The following PLEKHA4 variants were observed in gnomAD, a reference collection of about 807,000 sequenced individuals.
PLEKHA4 encodes the protein pleckstrin homology domain containing A4.
A neutral mutation model predicts 94.7 loss-of-function variants in PLEKHA4; 73 were observed. The observed-to-expected ratio is 0.77, with a 90% CI of 0.64 to 0.94. The LOEUF (loss-of-function observed/expected upper bound fraction) is 0.94, where lower values mean the gene tolerates loss of function less well. PLEKHA4 is among the 40% of genes least tolerant of loss of function. The pLI is 0.00. For missense variants in PLEKHA4, 1,049 were observed against 1,054.1 expected (o/e 1.00, Z 0.07); for synonymous variants, 449 against 437.1 (o/e 1.03, Z -0.34).
chr19:48,846,212 G>A (rs1264990409), intron 14 of PLEKHA4, among the ~76,000 whole-genome samples: 2 of 151,760 alleles, frequency 1.3e-5, no homozygotes, highest in Non-Finnish European at 2.9e-5. Context: ...CCAGTACTTT[G>A]GGAGGCCGAG....
chr19:48,861,658 C>A lies in PLEKHA4; in HGVS notation c.227G>T (p.Trp76Leu), dbSNP rs2036646005. Residue 76 changes from tryptophan (W) to leucine (L), a missense_variant, in exon 4 of 20, where the codon TGG becomes TTG. By Grantham distance (61) the Trp-to-Leu change is moderately conservative. Coordinates refer to ENST00000263265, the MANE Select transcript of PLEKHA4 (RefSeq NM_020904.3). ...SSGLRLWKRRWFVLSGHCLFY... is the reference protein window; with the variant it reads ...SSGLRLWKRRLFVLSGHCLFY... Reference sequence around the variant, plus strand: ...GAGGCAATGGCCGGAGAGGACGAACCAGCGGCGTTTCCAGAGACGGAGCCC... The same window carrying A: ...GAGGCAATGGCCGGAGAGGACGAACAAGCGGCGTTTCCAGAGACGGAGCCC... 8 of 1,614,080 alleles carry A rather than the reference C, an allele frequency of 5.0e-6. No homozygotes were observed. The highest frequency in any genetic ancestry group is 1.3e-5 in the African/African-American group (1 of 74,938).
Position 48,845,387 on chromosome 19 carries a change from G to A in PLEKHA4, c.1726C>T (p.Pro576Ser), listed in dbSNP as rs1240773347. Residue 576 changes from proline to serine, a missense_variant, in exon 16 of 20, where the codon CCA (proline) becomes TCA (serine). Pro to Ser is a moderately conservative substitution (Grantham distance 74). Transcript: ENST00000263265. ...CAGCTTACCTTGGTTCCTAGCTGTG[G>A]GGAAGGGAGGTGGCGACCCTCAGGG... ...SSPEGRHLPS[P>S]QLGTKAPVAR... 1 of 1,613,190 alleles carries A rather than the reference G, an allele frequency of 6.2e-7. No individual in the cohort carries two copies.
Position 48,839,279 on chromosome 19 carries a change from G to A in PLEKHA4, c.1906-16C>T, listed in dbSNP as rs76292221. Reference sequence around the variant, plus strand: ...CTACGACAGGCTGGAAAGGAATTGGGGCATTAGAACTCCTCACCTGGAAGC... The same window carrying A: ...CTACGACAGGCTGGAAAGGAATTGGAGCATTAGAACTCCTCACCTGGAAGC... On this transcript the variant is annotated splice_polypyrimidine_tract_variant and intron_variant, in intron 17 of 19. Coordinates refer to ENST00000263265, the MANE Select transcript of PLEKHA4 (RefSeq NM_020904.3). The A allele has an allele frequency of 0.012, 18,910 of 1,564,524 alleles. 210 individuals are homozygous for A. The highest frequency in any genetic ancestry group is 0.032 in the Middle Eastern group (185 of 5,862).
Position 48,862,597 on chromosome 19 carries a change from C to A in PLEKHA4, c.193-905G>T, listed in dbSNP as rs565678204. On this transcript the variant is annotated intron_variant, in intron 3 of 19. Transcript: ENST00000263265. The stretch of plus-strand genomic sequence containing the variant: ...GATCTCAGCTCACTGCAAGCTCCGC[C>A]TCCCGGGTTCACGCCATTCTCCTGC... 4.6e-5 allele frequency among the ~76,000 whole-genome samples: 7 copies of A among 152,150 alleles called. No homozygotes were observed. In the East Asian group the frequency reaches 1.4e-3, roughly 29 times the overall value.
At position 48,843,719 on chromosome 19, in the gene PLEKHA4, G is replaced by A. The variant is rs550045370; in HGVS notation, c.1743+1651C>T. On this transcript the variant is annotated intron_variant, in intron 16 of 19. Coordinates refer to ENST00000263265, the MANE Select transcript of PLEKHA4 (RefSeq NM_020904.3). Reference sequence around the variant, plus strand: ...GTCACCCAGGCTGGAGTGCAGTGGCGCAGTATCAGCTCACTGCAATCTCAG... The same window carrying A: ...GTCACCCAGGCTGGAGTGCAGTGGCACAGTATCAGCTCACTGCAATCTCAG... Among the ~76,000 whole-genome samples the A allele has an allele frequency of 4.6e-5, 7 of 151,504 alleles. 1 individual carries two copies. Among genetic ancestry groups the A allele is most frequent in the Admixed American group, 2.6e-4 (4 of 15,186 alleles).
rs368337036 is a variant in PLEKHA4, at chr19:48,856,356, G to T, written c.1047+1066C>A. On this transcript the variant is annotated intron_variant, in intron 9 of 19. Coordinates refer to ENST00000263265, the MANE Select transcript of PLEKHA4 (RefSeq NM_020904.3). Reference sequence around the variant, plus strand: ...CCCAGCACTTTGGGAGGCCGAGGCGGGCAGATCACAAGGTCAGGAGATCGA... The same window carrying T: ...CCCAGCACTTTGGGAGGCCGAGGCGTGCAGATCACAAGGTCAGGAGATCGA... Among the ~76,000 whole-genome samples, 21 of 131,954 alleles carry T rather than the reference G, an allele frequency of 1.6e-4. 1 individual carries two copies. The South Asian group carries it at 1.8e-3, about 11-fold the overall frequency. The allele number at this position is 131,954 out of a possible 152,430, so 86.6% of individuals were successfully genotyped here. A position where few individuals can be genotyped will look rare whatever the true frequency, so the allele number is the denominator to read the frequency against.
intron 6 of PLEKHA4, 36 bp from the exon 7 acceptor site, chr19:48,859,720 G>A (rs1430613728): frequency 6.4e-7 from 1 of 1,572,348 alleles, no homozygotes; most frequent in Non-Finnish European, 8.7e-7. Flanking sequence ...TCACTCCTTC[G>A]AACTTCATAA....
chr19:48,846,499 G>C (rs578228022), intron 14 of PLEKHA4, among the ~76,000 whole-genome samples: 2 of 152,066 alleles, frequency 1.3e-5, no homozygotes, highest in African/African-American at 4.8e-5. Context: ...GGCACAGTGG[G>C]TTCACGTCTG....
chr19:48,862,870 T>G (rs2036697732), intron 3 of PLEKHA4, among the ~76,000 whole-genome samples: 2 of 152,222 alleles, frequency 1.3e-5, no homozygotes, highest in Non-Finnish European at 2.9e-5. Context: ...CACCTTCATG[T>G]TTTCTCGTCT....
Position 48,837,190 on chromosome 19 carries a change from A to G in PLEKHA4, c.*99T>C. ...TTCCCCTCCCGGGCCCGCAATGGGG[A>G]CCAGACCACGCCCCCTGATGCCCTG... On this transcript the variant is annotated 3_prime_UTR_variant, in exon 20 of 20. Transcript: ENST00000263265. The surrounding 1 kb of genome is among the most constrained non-coding windows in gnomAD (Gnocchi z 4.3). The G allele has an allele frequency of 6.4e-7, 1 of 1,558,502 alleles. No homozygotes were observed. The highest frequency in any genetic ancestry group is 1.4e-5 in the African/African-American group (1 of 73,536).
Position 48,859,092 on chromosome 19 carries a change from CG to C in PLEKHA4, c.739del (p.Arg247ValfsTer27). ...SRPPSPLSLP[R>X]PRSAPARRPP... ...TCGCCGCGCAGGGGCAGAACGGGGA[CG>C]GGGGAGGCTCAGAGGCGAGGGAGGG... On this transcript the variant is annotated frameshift_variant, in exon 8 of 20. Transcript: ENST00000263265. LOFTEE classifies it high-confidence loss of function. 7.9e-6 allele frequency: 5 copies of C among 636,910 alleles called. No homozygotes were observed. Among genetic ancestry groups the C allele is most frequent in the South Asian group, 3.9e-5 (1 of 25,688 alleles). 39.5% of individuals were successfully genotyped at this position (636,910 alleles called of 1,614,324 possible). A position where few individuals can be genotyped will look rare whatever the true frequency, so the allele number is the denominator to read the frequency against.
chr19:48,848,499 A>C (rs897245152), intron 13 of PLEKHA4, among the ~76,000 whole-genome samples: 10 of 148,050 alleles, frequency 6.8e-5, no homozygotes, highest in Non-Finnish European at 1.3e-4. Context: ...AAAAAAAAAA[A>C]AACTGTCTTT....
rs769461225 is a variant in PLEKHA4 at position 48,859,662 on chromosome 19, G to A, written c.499C>T (p.Arg167Ter). Residue 167 changes from arginine to a stop codon, truncating the protein, a stop_gained, in exon 7 of 20, where the codon CGA becomes TGA. Transcript: ENST00000263265. LOFTEE classifies it high-confidence loss of function. ...CCGGGGCCCTCCCCGGGCTGGGGTC[G>A]TGCAGGTGACCTGGGTTGCCCACTA... is the stretch of plus-strand genomic sequence containing the variant. ...DDYGQPRSPA[R>*]PQPGEGPGGP... 1.2e-6 allele frequency: 2 copies of A among 1,612,018 alleles called. No homozygotes were observed. The highest frequency in any genetic ancestry group is 2.2e-5 in the South Asian group (2 of 91,042).
At chr19:48,842,514 G>C (rs888092267) in intron 16 of PLEKHA4, among the ~76,000 whole-genome samples, 7 of 152,166 alleles carry the variant, frequency 4.6e-5, no homozygotes, top group African/African-American at 1.7e-4. Flanking sequence ...AGCACACTCA[G>C]ATTTCTACAC....
rs776086559 is a variant in PLEKHA4, at chr19:48,837,285, C to T, written c.*4G>A. The T allele has an allele frequency of 1.2e-6, 2 of 1,613,948 alleles. No individual in the cohort carries two copies. The highest frequency in any genetic ancestry group is 1.1e-5 in the South Asian group (1 of 91,088). On this transcript the variant is annotated 3_prime_UTR_variant, in exon 20 of 20. Coordinates refer to ENST00000263265, the MANE Select transcript of PLEKHA4 (RefSeq NM_020904.3). The surrounding 1 kb of genome is among the most constrained non-coding windows in gnomAD (Gnocchi z 4.3). ...GCTCCGATTGGCTGCCGCTTTTGGGCGGATTAGAAGCTGGATTGTAGCAGA... is the reference window on the plus strand; with the variant it reads ...GCTCCGATTGGCTGCCGCTTTTGGGTGGATTAGAAGCTGGATTGTAGCAGA...
intron 13 of PLEKHA4, among the ~76,000 whole-genome samples, chr19:48,848,951 G>A (rs554520684): frequency 1.3e-5 from 2 of 152,208 alleles, no homozygotes; most frequent in African/African-American, 4.8e-5. Flanking sequence ...CCAGGCTGGC[G>A]TGCAATGGCT....
intron 3 of PLEKHA4, among the ~76,000 whole-genome samples, chr19:48,864,992 C>A (rs1039677380): frequency 2.0e-5 from 3 of 152,082 alleles, no homozygotes; most frequent in African/African-American, 7.2e-5. Flanking sequence ...GTGTTATTTG[C>A]ATGGTGTGTG....
At chr19:48,840,972 C>T (rs2122888708) in intron 17 of PLEKHA4, among the ~76,000 whole-genome samples, 177 bp downstream of exon 17, 1 of 152,054 alleles carries the variant, frequency 6.6e-6, no homozygotes, top group African/African-American at 2.4e-5. Flanking sequence ...TCCTGTCCAC[C>T]CACCACTATC....
chr19:48,854,171 C>T (rs2123050281), intron 10 of PLEKHA4, 46 bp downstream of exon 10: 5 of 1,606,774 alleles, frequency 3.1e-6, no homozygotes, highest in East Asian at 2.2e-5. Context: ...AACATTCTCT[C>T]CCCAACTCTG....
Sources: gnomAD v4.1 joint callset for allele counts (sites outside exome capture counted in the v4.1 genomes callset) on GRCh38, gnomAD v4.1.1 for gene constraint, Gnocchi (gnomAD v3.1) non-coding constraint, MANE v1.5 for transcripts, NCBI Gene and HGNC (gene_info 2026-07-23, HGNC 2026-07-21) for gene names.